Variants in TERB1 observed in about 807,000 individuals in gnomAD.
The protein encoded by TERB1 is telomere repeats-binding bouquet formation protein 1.
In TERB1, 63 loss-of-function variants were observed where a neutral mutation model predicts 92.3. The observed-to-expected ratio is 0.68, with a 90% CI of 0.56 to 0.84. The LOEUF (loss-of-function observed/expected upper bound fraction) is 0.84, where lower values mean the gene tolerates loss of function less well. Ranked by LOEUF, TERB1 falls within the 40% of genes least tolerant of loss-of-function variation. The pLI, the probability that TERB1 is intolerant of heterozygous loss-of-function variation, is 0.00. For missense variants in TERB1, 709 were observed against 843.7 expected (o/e 0.84, Z 1.98); for synonymous variants, 252 against 283.9 (o/e 0.89, Z 1.13).
chr16:66,780,047 G>A (rs531735451), intron 9 of TERB1, among the ~76,000 whole-genome samples: 18 of 152,118 alleles, frequency 1.2e-4, no homozygotes, highest in African/African-American at 4.3e-4. Context: ...TTGTATTTTT[G>A]GTAGAGACAG....
Position 66,775,173 on chromosome 16 carries a change from C to T in TERB1, c.1056G>A (p.Gln352=), listed in dbSNP as rs758530195. 1.3e-6 allele frequency: 2 copies of T among 1,551,484 alleles called. No homozygotes were observed. Among genetic ancestry groups the T allele is most frequent in the Non-Finnish European group, 1.7e-6 (2 of 1,146,948 alleles). Residue 352 remains glutamine (Q), a synonymous_variant, in exon 12 of 19, where the codon CAG becomes CAA. Coordinates refer to ENST00000433154, the MANE Select transcript of TERB1 (RefSeq NM_001136505.2). ...PLMIQALTES[Q]NEELNKAATF... ...TGGCAGCTTTGTTCAGTTCCTCATT[C>T]TGCGATTCAGTTAAGGCTTGAATCA...
rs1286635737 is a variant in TERB1 at position 66,768,180 on chromosome 16, T to C, written c.1620-12A>G. 7.2e-6 allele frequency: 11 copies of C among 1,527,368 alleles called. No homozygotes were observed. Among genetic ancestry groups the C allele is most frequent in the South Asian group, 3.6e-5 (3 of 83,452 alleles). 94.6% of individuals were successfully genotyped at this position (1,527,368 alleles called of 1,614,324 possible). ...TAAAAACATGGTCACTAAAAGAAAATAGACACCAGATTACTAAAAGTAAAC... is the reference window on the plus strand; with the variant it reads ...TAAAAACATGGTCACTAAAAGAAAACAGACACCAGATTACTAAAAGTAAAC... On this transcript the variant is annotated splice_polypyrimidine_tract_variant and intron_variant, in intron 14 of 18. Coordinates refer to ENST00000433154, the MANE Select transcript of TERB1 (RefSeq NM_001136505.2).
intron 16 of TERB1, among the ~76,000 whole-genome samples, chr16:66,763,709 T>C (rs565245325): frequency 6.6e-6 from 1 of 152,324 alleles, no homozygotes; most frequent in South Asian, 2.1e-4. Flanking sequence ...CTGCACATCC[T>C]GCACACGTAT....
chr16:66,768,047 A>G lies in TERB1; in HGVS notation c.1684+57T>C, dbSNP rs1597012455. 20 of 1,349,442 alleles carry G rather than the reference A, an allele frequency of 1.5e-5. No individual in the cohort carries two copies. The East Asian group carries it at 4.0e-4, about 27-fold the overall frequency. 83.6% of individuals were successfully genotyped at this position (1,349,442 alleles called of 1,614,324 possible). On this transcript the variant is annotated intron_variant, in intron 15 of 18. Coordinates refer to ENST00000433154, the MANE Select transcript of TERB1 (RefSeq NM_001136505.2). Reference sequence around the variant, plus strand: ...CCAGTCAATGTGCATTTTTAGCTATATTGGTTACCTAAATATCTGTTTTAT... The same window carrying G: ...CCAGTCAATGTGCATTTTTAGCTATGTTGGTTACCTAAATATCTGTTTTAT...
intron 3 of TERB1, among the ~76,000 whole-genome samples, chr16:66,793,675 C>T (rs1222739874): frequency 6.6e-6 from 1 of 152,088 alleles, no homozygotes; most frequent in Non-Finnish European, 1.5e-5. Context: ...CCACGCCCAG[C>T]TAAATTTTTT....
intron 16 of TERB1, among the ~76,000 whole-genome samples, chr16:66,759,857 C>T (rs1374508190): frequency 1.4e-5 from 2 of 144,920 alleles, no homozygotes; most frequent in Non-Finnish European, 3.0e-5. Context: ...GCATCTAGAG[C>T]GGGCGCAGTG....
At chr16:66,798,182 CTT>C (rs10653807) in intron 2 of TERB1, among the ~76,000 whole-genome samples, 4 of 143,046 alleles carry the variant, frequency 2.8e-5, no homozygotes, top group Middle Eastern at 3.7e-3. Context: ...TTATTTTTGC[CTT>C]TTTTTTTTTT....
intron 16 of TERB1, among the ~76,000 whole-genome samples, chr16:66,766,300 G>C (rs959425876): frequency 6.6e-6 from 1 of 152,186 alleles, no homozygotes; most frequent in Non-Finnish European, 1.5e-5. Flanking sequence ...AAAGATATGA[G>C]ATTCAGCTTA....
chr16:66,793,902 A>C (rs1249279707), intron 3 of TERB1, among the ~76,000 whole-genome samples: 1 of 152,206 alleles, frequency 6.6e-6, no homozygotes, highest in East Asian at 1.9e-4. Flanking sequence ...CCATAGTACA[A>C]AGGTTATCAC....
At chr16:66,767,628 T>C (rs2018370219) in intron 15 of TERB1, 118 bp from the exon 16 acceptor site, 1 of 568,014 alleles carries the variant, frequency 1.8e-6, no homozygotes, top group Non-Finnish European at 3.1e-6. Flanking sequence ...CCTCCAGTCA[T>C]GCTGGTGAAT....
intron 16 of TERB1, among the ~76,000 whole-genome samples, chr16:66,760,204 T>C (rs544587467): frequency 0.013 from 1,680 of 131,224 alleles, 22 homozygotes; most frequent in Non-Finnish European, 0.019. Flanking sequence ...CTCATGCCTG[T>C]AACCCCAGCA....
chr16:66,788,603 AC>A (rs1159689021), intron 5 of TERB1, among the ~76,000 whole-genome samples: 1 of 151,906 alleles, frequency 6.6e-6, no homozygotes, highest in East Asian at 1.9e-4. Flanking sequence ...AAAAAAAAAA[AC>A]ACTTTAAAGG....
intron 16 of TERB1, among the ~76,000 whole-genome samples, chr16:66,767,129 G>A (rs2018359680): frequency 6.7e-6 from 1 of 149,546 alleles, no homozygotes; most frequent in African/African-American, 2.5e-5. Context: ...AGGAGTTCAA[G>A]ATCAGTTTGG....
chr16:66,762,914 C>T (rs3891546), intron 16 of TERB1, among the ~76,000 whole-genome samples: 76,654 of 151,712 alleles, frequency 0.51, 20,233 homozygotes, highest in African/African-American at 0.64. Flanking sequence ...AATTCCTGGG[C>T]TCAAGTGATC....
In TERB1 at chr16:66,759,302, CAAATT is replaced by C. The variant is rs1311062560; in HGVS notation, c.1781-17_1781-13del. The C allele has an allele frequency of 6.6e-7, 1 of 1,521,432 alleles. No homozygotes were observed. Among genetic ancestry groups the C allele is most frequent in the Non-Finnish European group, 8.8e-7 (1 of 1,137,232 alleles). The allele number at this position is 1,521,432 out of a possible 1,614,324, so 94.2% of individuals were successfully genotyped here. A position where few individuals can be genotyped will look rare whatever the true frequency, so the allele number is the denominator to read the frequency against. On this transcript the variant is annotated splice_polypyrimidine_tract_variant and intron_variant, in intron 16 of 18. Transcript: ENST00000433154. ...TACTGCTATGCAACCTAAAAGAAAA[CAAATT>C]AAAGTTATGTGTAGATGTCACAAAA...
intron 13 of TERB1, 128 bp downstream of exon 13, chr16:66,772,461 A>C: frequency 1.2e-6 from 1 of 827,648 alleles, no homozygotes; most frequent in South Asian, 1.8e-5. Flanking sequence ...CAACCTGGGC[A>C]ACAGAGCAAG....
intron 5 of TERB1, among the ~76,000 whole-genome samples, chr16:66,789,710 T>C (rs1288777947): frequency 6.6e-6 from 1 of 150,754 alleles, no homozygotes; most frequent in Non-Finnish European, 1.5e-5. Context: ...GTGATTTTTT[T>C]TTTTTTTTTT....
intron 18 of TERB1, among the ~76,000 whole-genome samples, chr16:66,758,131 T>C (rs2018168099): frequency 6.6e-6 from 1 of 152,220 alleles, no homozygotes; most frequent in Non-Finnish European, 1.5e-5. Flanking sequence ...CAAGTATTAA[T>C]AATTATGCCT....
chr16:66,761,385 G>A (rs1429498533), intron 16 of TERB1, among the ~76,000 whole-genome samples: 1 of 148,348 alleles, frequency 6.7e-6, no homozygotes, highest in East Asian at 2.0e-4. Flanking sequence ...CTGGAAGGCA[G>A]AGGTTGCAGT....
Sources: allele counts gnomAD v4.1 joint callset (sites outside exome capture counted in the v4.1 genomes callset), GRCh38; gene constraint gnomAD v4.1.1; transcripts MANE v1.5; gene names NCBI Gene and HGNC (gene_info 2026-07-23, HGNC 2026-07-21).